Variants in TMEM132D observed in about 807,000 individuals in gnomAD.
TMEM132D encodes the protein mature OL transmembrane protein.
TMEM132D carries 21 observed loss-of-function variants against 62.3 expected under a neutral mutation model. That is an observed-to-expected ratio of 0.34 (90% confidence interval 0.24 to 0.49). TMEM132D has a LOEUF of 0.49. Ranked by LOEUF, TMEM132D falls within the 20% of genes least tolerant of loss-of-function variation. The probability of loss-of-function intolerance (pLI) is 0.99; values close to 1 mark genes in which losing one functional copy is unlikely to be tolerated. For missense variants in TMEM132D, 1,346 were observed against 1,402.8 expected, an observed-to-expected ratio of 0.96 and a Z score of 0.65; for synonymous variants, 621 against 575.6, an observed-to-expected ratio of 1.08 and a Z score of -1.13.
intron 3 of TMEM132D, among the ~76,000 whole-genome samples, chr12:129,487,037 G>T (rs532236174): frequency 3.3e-5 from 5 of 151,888 alleles, no homozygotes; most frequent in Admixed American, 2.0e-4. Flanking sequence ...CGTATGGGGG[G>T]GGGGGTTGTG....
chr12:129,366,740 C>T (rs1190618666), intron 3 of TMEM132D, among the ~76,000 whole-genome samples: 1 of 152,100 alleles, frequency 6.6e-6, no homozygotes, highest in African/African-American at 2.4e-5. Context: ...AAGACAGGGC[C>T]AGCATGGCTT....
intron 2 of TMEM132D, among the ~76,000 whole-genome samples, chr12:129,613,776 G>C (rs1303478408): frequency 6.6e-6 from 1 of 151,854 alleles, no homozygotes; most frequent in Non-Finnish European, 1.5e-5. Flanking sequence ...CCAGAACCAA[G>C]GTGACTGTCT....
chr12:129,512,452 A>T (rs1478022484), intron 3 of TMEM132D, among the ~76,000 whole-genome samples: 1 of 152,242 alleles, frequency 6.6e-6, no homozygotes, highest in East Asian at 1.9e-4. Context: ...TAGCCAGCAC[A>T]GAGACGAACA....
intron 2 of TMEM132D, among the ~76,000 whole-genome samples, chr12:129,568,786 G>A (rs115192521): frequency 1.9e-3 from 288 of 152,164 alleles, no homozygotes; most frequent in African/African-American, 6.7e-3. Flanking sequence ...TTGTTGTTTG[G>A]TTGGTTCAGC....
At chr12:129,368,349 T>G (rs1870489094) in intron 3 of TMEM132D, among the ~76,000 whole-genome samples, 1 of 152,196 alleles carries the variant, frequency 6.6e-6, no homozygotes, top group Non-Finnish European at 1.5e-5. Flanking sequence ...GTGTGAAATA[T>G]TCCTTAACCC....
chr12:129,685,443 C>A (rs983342189), intron 2 of TMEM132D, among the ~76,000 whole-genome samples: 2 of 152,288 alleles, frequency 1.3e-5, no homozygotes, highest in East Asian at 3.9e-4. Flanking sequence ...TGGTATTGAG[C>A]CTGCAGGTGC....
rs138164924 is a variant in TMEM132D, at chr12:129,561,527, C to A, written c.969-30322G>T. Among the ~76,000 whole-genome samples the A allele has an allele frequency of 1.8e-4, 27 of 152,242 alleles. No homozygotes were observed. The East Asian group carries it at 4.8e-3, about 27-fold the overall frequency. Reference sequence around the variant, plus strand: ...ACAGCAGACAAGAATTGGGACTCCCCGAGATAGTGCTGGAGTTAGAATAAT... The same window carrying A: ...ACAGCAGACAAGAATTGGGACTCCCAGAGATAGTGCTGGAGTTAGAATAAT... On this transcript the variant is annotated intron_variant, in intron 2 of 8. Coordinates refer to ENST00000422113, the MANE Select transcript of TMEM132D (RefSeq NM_133448.3).
At chr12:129,455,685 G>T (rs1274310407) in intron 3 of TMEM132D, among the ~76,000 whole-genome samples, 1 of 152,168 alleles carries the variant, frequency 6.6e-6, no homozygotes, top group African/African-American at 2.4e-5. Flanking sequence ...GTGTGCAAAG[G>T]CACGGTGGCT....
intron 5 of TMEM132D, among the ~76,000 whole-genome samples, chr12:129,088,444 A>C (rs866604281): frequency 3.3e-4 from 10 of 30,396 alleles, no homozygotes; most frequent in South Asian, 1.2e-3. Context: ...GGTGTCCTCC[A>C]TGACCGGGTG....
intron 2 of TMEM132D, among the ~76,000 whole-genome samples, chr12:129,614,348 A>C (rs190498102): frequency 6.6e-6 from 1 of 152,358 alleles, no homozygotes; most frequent in African/African-American, 2.4e-5. Context: ...AGTGAGCTCA[A>C]GGCCAGAGGG....
intron 4 of TMEM132D, among the ~76,000 whole-genome samples, chr12:129,279,045 CAG>C (rs1363441666): frequency 6.6e-6 from 1 of 152,102 alleles, no homozygotes; most frequent in Admixed American, 6.5e-5. Context: ...TAAGAGAACT[CAG>C]AAATGCAAAC....
intron 1 of TMEM132D, among the ~76,000 whole-genome samples, chr12:129,819,768 T>C (rs77438645): frequency 0.071 from 10,790 of 152,214 alleles, 423 homozygotes; most frequent in South Asian, 0.12. Flanking sequence ...CACTATGGCC[T>C]GCTACTATTA....
rs115505666 is a variant in TMEM132D, at chr12:129,595,158, G to A, written c.969-63953C>T. On this transcript the variant is annotated intron_variant, in intron 2 of 8. Transcript: ENST00000422113. The stretch of plus-strand genomic sequence containing the variant: ...ATGCAAAAATTAATGTGAACAGGAA[G>A]TGACATTTAAACCTATCATCCATTC... 5.1e-3 allele frequency among the ~76,000 whole-genome samples: 782 copies of A among 152,308 alleles called. 6 individuals carry two copies. The highest frequency in any genetic ancestry group is 0.018 in the African/African-American group (745 of 41,548).
chr12:129,479,042 T>C (rs951088823), intron 3 of TMEM132D, among the ~76,000 whole-genome samples: 1 of 152,236 alleles, frequency 6.6e-6, no homozygotes, highest in Non-Finnish European at 1.5e-5. Context: ...TTCTAGTGCA[T>C]GATTTTGTAC....
At chr12:129,157,337 T>TG (rs959557288) in intron 5 of TMEM132D, among the ~76,000 whole-genome samples, 1 of 152,228 alleles carries the variant, frequency 6.6e-6, no homozygotes, top group Non-Finnish European at 1.5e-5. Flanking sequence ...TCATAAACTC[T>TG]GGGGGACACA....
At chr12:129,394,096 G>C (rs1462980058) in intron 3 of TMEM132D, among the ~76,000 whole-genome samples, 1 of 152,166 alleles carries the variant, frequency 6.6e-6, no homozygotes, top group Non-Finnish European at 1.5e-5. Context: ...TCTCAAAGTG[G>C]TTTTGTGGCA....
At chr12:129,645,224 C>G (rs1189631917) in intron 2 of TMEM132D, among the ~76,000 whole-genome samples, 1 of 152,108 alleles carries the variant, frequency 6.6e-6, no homozygotes, top group Non-Finnish European at 1.5e-5. Context: ...TCTATTATCT[C>G]TGAAGGAGGC....
At chr12:129,407,982 C>A (rs1385904653) in intron 3 of TMEM132D, among the ~76,000 whole-genome samples, 2 of 152,076 alleles carry the variant, frequency 1.3e-5, no homozygotes, top group Non-Finnish European at 2.9e-5. Flanking sequence ...TCACCTGTAG[C>A]CTAACTTCAC....
chr12:129,128,237 A>C (rs1044758125), intron 5 of TMEM132D, among the ~76,000 whole-genome samples: 11 of 152,136 alleles, frequency 7.2e-5, no homozygotes, highest in African/African-American at 2.7e-4. Flanking sequence ...TTTTTCCCAA[A>C]TATTTTTATT....
Sources: gnomAD v4.1 joint callset for allele counts (sites outside exome capture counted in the v4.1 genomes callset) on GRCh38, gnomAD v4.1.1 for gene constraint, MANE v1.5 for transcripts, NCBI Gene and HGNC (gene_info 2026-07-23, HGNC 2026-07-21) for gene names.